ZDHHC15: variants seen among roughly 807,000 people sequenced by gnomAD.
ZDHHC15 encodes the protein zDHHC palmitoyltransferase 15.
ZDHHC15 carries 19 observed loss-of-function variants against 31.7 expected under a neutral mutation model. The observed-to-expected ratio is 0.60, with a 90% CI of 0.42 to 0.88. ZDHHC15 has a LOEUF of 0.88. ZDHHC15 is among the 40% of genes least tolerant of loss of function. ZDHHC15 has a pLI of 0.00. For synonymous variants in ZDHHC15, 103 were observed against 90.0 expected (o/e 1.14, Z -0.82); for missense variants, 209 against 251.2 (o/e 0.83, Z 1.14).
At position 75,369,224 on chromosome X, in the gene ZDHHC15, CTT is replaced by C. The variant is rs2082983990; in HGVS notation, c.*3752_*3753del. ...CTTCACATGCTGTGTTTCTTAGACT[CTT>C]TTTCTAAAAGGAGAAAACAGATAAT... On this transcript the variant is annotated 3_prime_UTR_variant, in exon 12 of 12. Transcript: ENST00000373367. 1.8e-5 allele frequency: 2 copies of C among 111,727 alleles called. No homozygotes were observed. The highest frequency in any genetic ancestry group is 7.5e-4 in the South Asian group (2 of 2,677). The allele number at this position is 111,727 out of a possible 1,213,427, so 9.2% of individuals were successfully genotyped here.
intron 11 of ZDHHC15, among the ~76,000 whole-genome samples, chrX:75,375,859 GTGA>G (rs758447972): frequency 8.9e-6 from 1 of 111,871 alleles, no homozygotes; most frequent in Non-Finnish European, 1.9e-5. Flanking sequence ...GAATAGTGCT[GTGA>G]TGAACATATA....
At chrX:75,375,587 T>G (rs972840841) in intron 11 of ZDHHC15, among the ~76,000 whole-genome samples, 14 of 111,121 alleles carry the variant, frequency 1.3e-4, no homozygotes, top group Admixed American at 4.8e-4. Flanking sequence ...TAGTCCACAG[T>G]GTCTATTGTT....
chrX:75,476,969 C>G (rs1005253109), intron 3 of ZDHHC15, among the ~76,000 whole-genome samples: 1 of 110,910 alleles, frequency 9.0e-6, no homozygotes, highest in Non-Finnish European at 1.9e-5. Flanking sequence ...GATGAAAAGT[C>G]AGACTATTTT....
intron 4 of ZDHHC15, among the ~76,000 whole-genome samples, chrX:75,449,875 G>A (rs1035171039): frequency 8.9e-6 from 1 of 111,812 alleles, no homozygotes; most frequent in African/African-American, 3.2e-5. Flanking sequence ...TTTAAAAGGT[G>A]GAGAATTAGT....
intron 10 of ZDHHC15, among the ~76,000 whole-genome samples, chrX:75,397,018 G>T (rs997222585): frequency 1.6e-4 from 18 of 111,024 alleles, no homozygotes; most frequent in African/African-American, 5.9e-4. Flanking sequence ...CGGGGAAGTT[G>T]GGATGGTTAA....
At chrX:75,420,837 G>A (rs922477147) in intron 9 of ZDHHC15, among the ~76,000 whole-genome samples, 55 of 110,242 alleles carry the variant, frequency 5.0e-4, no homozygotes, top group African/African-American at 1.8e-3. Context: ...ATAGCATTAG[G>A]AGAAATACCT....
At chrX:75,417,963 T>C (rs1013869570) in intron 9 of ZDHHC15, among the ~76,000 whole-genome samples, 1 of 112,100 alleles carries the variant, frequency 8.9e-6, no homozygotes, top group African/African-American at 3.2e-5. Flanking sequence ...AAATTGAAAT[T>C]TGACAGATTT....
chrX:75,439,123 C>T (rs191010744), intron 4 of ZDHHC15, among the ~76,000 whole-genome samples: 25 of 111,515 alleles, frequency 2.2e-4, no homozygotes, highest in African/African-American at 7.8e-4. Flanking sequence ...ACTCTGATGA[C>T]TGTGTGCCTA....
intron 2 of ZDHHC15, among the ~76,000 whole-genome samples, chrX:75,505,178 G>T (rs2085139069): frequency 9.0e-6 from 1 of 111,335 alleles, no homozygotes; most frequent in Non-Finnish European, 1.9e-5. Flanking sequence ...TGAATGCTAG[G>T]TAGGTTAACG....
rs190927934 is a variant in ZDHHC15 at position 75,463,252 on chromosome X, G to A, written c.259-12330C>T. On this transcript the variant is annotated intron_variant, in intron 3 of 11. Transcript: ENST00000373367. ...GACCAATAATGAGTTCTGAATTTGA[G>A]GCAGTAATAAACAGCCTACCAATCA... 3.4e-3 allele frequency among the ~76,000 whole-genome samples: 381 copies of A among 111,132 alleles called. 1 individual carries two copies. The highest frequency in any genetic ancestry group is 0.012 in the African/African-American group (362 of 30,667).
In ZDHHC15 at chrX:75,454,966, T is replaced by C. The variant is rs191867829; in HGVS notation, c.259-4044A>G. 3.2e-3 allele frequency among the ~76,000 whole-genome samples: 351 copies of C among 110,932 alleles called. 1 individual carries two copies. The highest frequency in any genetic ancestry group is 0.01 in the African/African-American group (319 of 30,522). On this transcript the variant is annotated intron_variant, in intron 3 of 11. Coordinates refer to ENST00000373367, the MANE Select transcript of ZDHHC15 (RefSeq NM_144969.3). ...CCCAAGGTAATTTATAGATTCAATG[T>C]CATCCCCATCAAGCTACCAATGACT... is the stretch of plus-strand genomic sequence containing the variant.
intron 10 of ZDHHC15, among the ~76,000 whole-genome samples, chrX:75,405,704 C>T (rs1372417273): frequency 1.8e-5 from 2 of 111,034 alleles, no homozygotes; most frequent in East Asian, 5.6e-4. Context: ...AGATAGACTG[C>T]AATAAAATAA....
rs930302130 is a variant in ZDHHC15, at chrX:75,431,666, T to G, written c.380-146A>C. 13 of 424,759 alleles carry G rather than the reference T, an allele frequency of 3.1e-5. No homozygotes were observed. The Admixed American group carries it at 5.0e-4, about 16-fold the overall frequency. 35.0% of individuals were successfully genotyped at this position (424,759 alleles called of 1,213,427 possible). ...GTTACCAAGCAAAAGGCAGACTACA[T>G]AAGAGAATTGGGGTATATATTTTTT... On this transcript the variant is annotated intron_variant, in intron 4 of 11. Coordinates refer to ENST00000373367, the MANE Select transcript of ZDHHC15 (RefSeq NM_144969.3).
At chrX:75,377,262 C>G in intron 11 of ZDHHC15, among the ~76,000 whole-genome samples, 1 of 110,761 alleles carries the variant, frequency 9.0e-6, no homozygotes, top group Non-Finnish European at 1.9e-5. Context: ...TTTGGGAGGC[C>G]GAGGTGGGCA....
intron 7 of ZDHHC15, 129 bp downstream of exon 7, chrX:75,428,949 C>T: frequency 1.1e-6 from 1 of 921,769 alleles, no homozygotes; most frequent in Non-Finnish European, 1.5e-6. Context: ...GTTTTTAGTG[C>T]CTTCTCTTCC....
chrX:75,446,862 C>G (rs867725204), intron 4 of ZDHHC15, among the ~76,000 whole-genome samples: 1 of 111,783 alleles, frequency 8.9e-6, no homozygotes, highest in East Asian at 2.8e-4. Context: ...AAAGACCTCA[C>G]GTCCTAATAT....
At chrX:75,490,100 A>C (rs1212472939) in intron 2 of ZDHHC15, among the ~76,000 whole-genome samples, 1 of 111,933 alleles carries the variant, frequency 8.9e-6, no homozygotes, top group Admixed American at 9.5e-5. Flanking sequence ...TGAAAAGACC[A>C]AATCTACGTC....
intron 10 of ZDHHC15, among the ~76,000 whole-genome samples, chrX:75,403,859 A>G (rs1417231991): frequency 8.9e-6 from 1 of 111,965 alleles, no homozygotes; most frequent in Non-Finnish European, 1.9e-5. Flanking sequence ...GTCATTTTTC[A>G]CTTAACTAGA....
chrX:75,433,267 A>ATGAT (rs1361428114), intron 4 of ZDHHC15, among the ~76,000 whole-genome samples: 1 of 77,069 alleles, frequency 1.3e-5, no homozygotes, highest in Non-Finnish European at 2.7e-5. Context: ...TCCTTTTGGT[A>ATGAT]TGATGGTTAA....
Sources: gnomAD v4.1 joint callset for allele counts (sites outside exome capture counted in the v4.1 genomes callset) on GRCh38, gnomAD v4.1.1 for gene constraint, MANE v1.5 for transcripts, NCBI Gene and HGNC (gene_info 2026-07-23, HGNC 2026-07-21) for gene names.